The following LPIN2 variants were observed in gnomAD, a reference collection of about 807,000 sequenced individuals.
The protein encoded by LPIN2 is phosphatidate phosphatase LPIN2.
LPIN2 carries 55 observed loss-of-function variants against 111.4 expected under a neutral mutation model. That is an observed-to-expected ratio of 0.49 (90% CI 0.40 to 0.62). LPIN2 has a LOEUF of 0.62. Ranked by LOEUF, LPIN2 falls within the 20% of genes least tolerant of loss-of-function variation. The pLI, the probability that LPIN2 is intolerant of heterozygous loss-of-function variation, is 0.00. For missense variants in LPIN2, 992 were observed against 1,112.1 expected (o/e 0.89, Z 1.54); for synonymous variants, 425 against 414.0 (o/e 1.03, Z -0.32).
Position 2,931,316 on chromosome 18 carries a change from A to C in LPIN2, c.1396T>G (p.Leu466Val). The stretch of plus-strand genomic sequence containing the variant: ...CAAAGGGAGAGGGTAACGTCAGGCA[A>C]GTCCATGGCAGAATCTGAGAGGCAC... ...TECLSDSAMD[L>V]PDVTLSLCGG... Residue 466 changes from leucine (L) to valine (V), a missense_variant, in exon 9 of 20, where the codon TTG (leucine) becomes GTG (valine). By Grantham distance (32) the Leu-to-Val change is conservative. Coordinates refer to ENST00000677752, the MANE Select transcript of LPIN2 (RefSeq NM_001375808.2). 6.2e-7 allele frequency: 1 copy of C among 1,614,210 alleles called. No homozygotes were observed. Among genetic ancestry groups the C allele is most frequent in the Non-Finnish European group, 8.5e-7 (1 of 1,180,048 alleles).
chr18:2,943,989 AG>A (rs554485621), intron 4 of LPIN2, among the ~76,000 whole-genome samples: 17 of 152,318 alleles, frequency 1.1e-4, no homozygotes, highest in Non-Finnish European at 2.4e-4. Flanking sequence ...AAAAGACTCA[AG>A]GGGTTTGGGA....
intron 1 of LPIN2, among the ~76,000 whole-genome samples, chr18:2,998,855 G>A (rs2078385447): frequency 6.6e-6 from 1 of 152,154 alleles, no homozygotes; most frequent in African/African-American, 2.4e-5. Context: ...TCTTTCTTTA[G>A]TCATTTTGCC....
Position 2,929,167 on chromosome 18 carries a change from TA to T in LPIN2, c.1457-10del. The T allele has an allele frequency of 6.6e-7, 1 of 1,520,304 alleles. No homozygotes were observed. Among genetic ancestry groups the T allele is most frequent in the East Asian group, 2.3e-5 (1 of 44,370 alleles). 94.2% of individuals were successfully genotyped at this position (1,520,304 alleles called of 1,614,324 possible). On this transcript the variant is annotated splice_polypyrimidine_tract_variant and intron_variant, in intron 9 of 19. Transcript: ENST00000677752. Reference sequence around the variant, plus strand: ...ATGCTCCATGAATTTTTCTGCAATGTAAAATAATAATCAATTTGGTTAGAGA... The same window carrying T: ...ATGCTCCATGAATTTTTCTGCAATGTAAATAATAATCAATTTGGTTAGAGA...
At chr18:2,929,710 A>AGC (rs1351799563) in intron 9 of LPIN2, among the ~76,000 whole-genome samples, 2 of 152,182 alleles carry the variant, frequency 1.3e-5, no homozygotes, top group Non-Finnish European at 2.9e-5. Flanking sequence ...GTTAGGGACT[A>AGC]GCCTGGCCAA....
intron 6 of LPIN2, among the ~76,000 whole-genome samples, chr18:2,938,884 C>G (rs560674421): frequency 7.2e-4 from 110 of 152,010 alleles, no homozygotes; most frequent in Non-Finnish European, 1.3e-3. Context: ...CTGGGGATGG[C>G]AGCTCACGCC....
At position 2,954,742 on chromosome 18, in the gene LPIN2, GC is replaced by G; in HGVS notation, c.193-144del. On this transcript the variant is annotated intron_variant, in intron 2 of 19. Transcript: ENST00000677752. ...CAGCCTCTGAGAAACACTGCTACTTGCCCCTACCCAACCCCTAAGAAGCCAA... is the reference window on the plus strand; with the variant it reads ...CAGCCTCTGAGAAACACTGCTACTTGCCCTACCCAACCCCTAAGAAGCCAA... 7 of 702,604 alleles carry G rather than the reference GC, an allele frequency of 1.0e-5. 1 individual carries two copies. The South Asian group carries it at 1.1e-4, about 11-fold the overall frequency. 43.5% of individuals were successfully genotyped at this position (702,604 alleles called of 1,614,324 possible).
At chr18:2,956,543 G>A (rs977918604) in intron 2 of LPIN2, among the ~76,000 whole-genome samples, 5 of 152,206 alleles carry the variant, frequency 3.3e-5, no homozygotes, top group African/African-American at 1.2e-4. Context: ...ACACCTTCTG[G>A]TACCAGGAAG....
chr18:2,923,927 G>T (rs116485090), intron 15 of LPIN2, 66 bp from the exon 16 acceptor site: 2 of 1,315,734 alleles, frequency 1.5e-6, no homozygotes, highest in Non-Finnish European at 2.2e-6. Context: ...TTCCTATTTG[G>T]TTGACTATCA....
chr18:2,944,749 C>T (rs1479852355), intron 4 of LPIN2, among the ~76,000 whole-genome samples: 1 of 152,020 alleles, frequency 6.6e-6, no homozygotes, highest in Non-Finnish European at 1.5e-5. Flanking sequence ...TTTAAGAGGG[C>T]TTAGTCTGTA....
At chr18:2,920,979 C>G in intron 18 of LPIN2, 98 bp from the exon 19 acceptor site, 2 of 838,368 alleles carry the variant, frequency 2.4e-6, no homozygotes. Context: ...CAGACAGACT[C>G]GACAGAAAAC....
chr18:2,944,671 C>T (rs1230915772), intron 4 of LPIN2, among the ~76,000 whole-genome samples: 1 of 152,084 alleles, frequency 6.6e-6, no homozygotes, highest in African/African-American at 2.4e-5. Context: ...TTTAAGTCTA[C>T]AATTTTACAT....
Position 2,960,853 on chromosome 18 carries a change from C to G in LPIN2, c.-9-4G>C. On this transcript the variant is annotated splice_polypyrimidine_tract_variant and splice_region_variant and intron_variant, in intron 1 of 19. Transcript: ENST00000677752. ...CCACATAATTCATGGTTTGAGACTA[C>G]AAGAAACAAAAATTAGATGAGATGT... 6.2e-7 allele frequency: 1 copy of G among 1,611,264 alleles called. No individual in the cohort carries two copies. The highest frequency in any genetic ancestry group is 8.5e-7 in the Non-Finnish European group (1 of 1,178,356).
At chr18:2,977,043 C>T (rs1338928148) in intron 1 of LPIN2, 2 of 151,956 alleles carry the variant, frequency 1.3e-5, no homozygotes, top group African/African-American at 4.8e-5. Flanking sequence ...ACAGTCTCCA[C>T]AAAAAAATAC....
In LPIN2 at chr18:2,987,190, A is replaced by C. The variant is rs549383328; in HGVS notation, c.-10+25897T>G. On this transcript the variant is annotated intron_variant, in intron 1 of 19. Transcript: ENST00000677752. ...CTATCATCAAATTTTAAAACACTAA[A>C]TAATTTTCAAAGTGTAGTGCTTTAA... Among the ~76,000 whole-genome samples, 140 of 152,298 alleles carry C rather than the reference A, an allele frequency of 9.2e-4. 1 individual carries two copies. Among genetic ancestry groups the C allele is most frequent in the Non-Finnish European group, 1.5e-3 (102 of 68,020 alleles).
intron 12 of LPIN2, 125 bp downstream of exon 12, chr18:2,927,596 GA>G: frequency 1.0e-6 from 1 of 967,706 alleles, no homozygotes; most frequent in Non-Finnish European, 1.6e-6. Flanking sequence ...CTCAAAAATG[GA>G]AACTGCTATA....
chr18:3,012,596 GGC>G (rs2078624589), intron 1 of LPIN2, among the ~76,000 whole-genome samples: 1 of 152,188 alleles, frequency 6.6e-6, no homozygotes, highest in African/African-American at 2.4e-5. Context: ...CCAGCAACTC[GGC>G]GGCCCCCGCC....
intron 12 of LPIN2, among the ~76,000 whole-genome samples, chr18:2,927,379 G>C (rs2077149365): frequency 6.6e-6 from 1 of 152,206 alleles, no homozygotes. Flanking sequence ...ATAACCTTCT[G>C]CTCCTATCTG....
intron 4 of LPIN2, chr18:2,946,481 T>A (rs751997196): frequency 1.9e-6 from 3 of 1,552,838 alleles, no homozygotes; most frequent in Non-Finnish European, 2.7e-6. Flanking sequence ...ATCGTCGGAA[T>A]TGGTCTCAGG....
At chr18:2,990,702 A>G (rs661767) in intron 1 of LPIN2, 208,296 of 306,672 alleles carry the variant, frequency 0.68, 73,297 homozygotes, top group East Asian at 0.85. Flanking sequence ...TGAGAAAGAC[A>G]TATTGCAGTG....
Sources: allele counts gnomAD v4.1 joint callset (sites outside exome capture counted in the v4.1 genomes callset), GRCh38; gene constraint gnomAD v4.1.1; transcripts MANE v1.5; gene names NCBI Gene and HGNC (gene_info 2026-07-23, HGNC 2026-07-21).